DNAH9: variants seen among roughly 807,000 people sequenced by gnomAD.
DNAH9 encodes dynein axonemal heavy chain 9, also known as DNAH9 variant protein.
Under a neutral mutation model 471.6 loss-of-function variants are expected in DNAH9, and 345 were observed. The observed-to-expected ratio is 0.73, with a 90% CI of 0.67 to 0.80. The LOEUF is 0.80. Ranked by LOEUF, DNAH9 falls within the 30% of genes least tolerant of loss-of-function variation. DNAH9 has a pLI of 0.00. For missense variants in DNAH9, 5,407 were observed against 5,609.2 expected, an observed-to-expected ratio of 0.96 and a Z score of 1.15; for synonymous variants, 2,093 against 2,123.6, an observed-to-expected ratio of 0.99 and a Z score of 0.40.
rs1172657152 is a variant in DNAH9, at chr17:11,626,130, T to C, written c.1351-3287T>C. Among the ~76,000 whole-genome samples, 1 of 152,208 alleles carries C rather than the reference T, an allele frequency of 6.6e-6. No individual in the cohort carries two copies. Among genetic ancestry groups the C allele is most frequent in the Non-Finnish European group, 1.5e-5 (1 of 68,026 alleles). The stretch of plus-strand genomic sequence containing the variant: ...CCTAGATCCTAGGCTCTTTCCACAA[T>C]GCCATATGTTGTGTCTCTGAAGTGG... On this transcript the variant is annotated intron_variant, in intron 6 of 68. Coordinates refer to ENST00000262442, the MANE Select transcript of DNAH9 (RefSeq NM_001372.4). This position sits in a 1 kb window ranked among gnomAD's most constrained non-coding sequence, Gnocchi z 4.3.
At chr17:11,966,914 A>C (rs1976774362) in intron 68 of DNAH9, among the ~76,000 whole-genome samples, 1 of 151,172 alleles carries the variant, frequency 6.6e-6, no homozygotes, top group Admixed American at 6.6e-5. Context: ...ACACACCTGG[A>C]GTCCCAGCTA....
intron 14 of DNAH9, among the ~76,000 whole-genome samples, chr17:11,654,443 A>G (rs1300316862): frequency 6.6e-6 from 1 of 151,300 alleles, no homozygotes; most frequent in Admixed American, 6.6e-5. Context: ...TCACCTATCT[A>G]TGTGATGACA....
In DNAH9 at chr17:11,742,221, A is replaced by G; in HGVS notation, c.6019A>G (p.Met2007Val). ...VPDFELICEI[M>V]LVAEGFIEAQ... is the part of the protein sequence containing the mutation. ...AGACTTTGAATTGATCTGTGAAATC[A>G]TGCTGGTGGCAGAAGGATTCATTGA... is the stretch of plus-strand genomic sequence containing the variant. The change falls in exon 30 of 69, where the codon ATG becomes GTG. Residue 2007 changes from methionine to valine, a missense_variant. Around this residue, in one of 3 missense-constraint regions of DNAH9, gnomAD observed 4,636 missense variants for 4,900.3 expected, o/e 0.95. Transcript: ENST00000262442. 1.9e-6 allele frequency: 3 copies of G among 1,614,022 alleles called. No individual in the cohort carries two copies. The highest frequency in any genetic ancestry group is 2.5e-6 in the Non-Finnish European group (3 of 1,179,914).
chr17:11,926,383 C>T (rs2151031668), intron 62 of DNAH9, among the ~76,000 whole-genome samples: 1 of 152,246 alleles, frequency 6.6e-6, no homozygotes, highest in Non-Finnish European at 1.5e-5. Context: ...CATCCATTAG[C>T]TGTTCTTCCT....
intron 49 of DNAH9, among the ~76,000 whole-genome samples, chr17:11,851,944 T>C (rs545723581): frequency 3.3e-5 from 5 of 152,352 alleles, no homozygotes; most frequent in African/African-American, 9.6e-5. Flanking sequence ...GCTTAACTTA[T>C]GCTGTTTTAA....
chr17:11,663,340 A>G (rs2073809644), intron 14 of DNAH9, among the ~76,000 whole-genome samples: 1 of 152,170 alleles, frequency 6.6e-6, no homozygotes, highest in African/African-American at 2.4e-5. Context: ...CCAAACTCCA[A>G]ATTCTGTCTT....
chr17:11,878,670 C>T (rs1000344117), intron 53 of DNAH9, among the ~76,000 whole-genome samples: 2 of 152,102 alleles, frequency 1.3e-5, no homozygotes, highest in Non-Finnish European at 2.9e-5. Flanking sequence ...GTCCTTCCAC[C>T]TTAGCCTCCC....
At chr17:11,878,868 C>T (rs1162720484) in intron 53 of DNAH9, among the ~76,000 whole-genome samples, 1 of 152,090 alleles carries the variant, frequency 6.6e-6, no homozygotes, top group Non-Finnish European at 1.5e-5. Context: ...AGGCCTGGCC[C>T]ATTTTTAAGT....
chr17:11,747,286 G>A (rs1032398283), intron 31 of DNAH9, among the ~76,000 whole-genome samples: 1 of 152,116 alleles, frequency 6.6e-6, no homozygotes, highest in African/African-American at 2.4e-5. Context: ...AGATCACAGA[G>A]GGCAGGAGGA....
chr17:11,674,617 A>G (rs1258455692), intron 17 of DNAH9, among the ~76,000 whole-genome samples: 5 of 152,114 alleles, frequency 3.3e-5, no homozygotes, highest in Non-Finnish European at 7.4e-5. Flanking sequence ...TGTCTTGCAA[A>G]TGGAGTCTAC....
chr17:11,829,090 A>G (rs1970601355), intron 48 of DNAH9, among the ~76,000 whole-genome samples: 1 of 152,230 alleles, frequency 6.6e-6, no homozygotes, highest in South Asian at 2.1e-4. Flanking sequence ...CATGGTATTC[A>G]TTCCATAAAC....
rs111716205 is a variant in DNAH9 at position 11,799,876 on chromosome 17, C to T, written c.8420+2083C>T. ...CTGGGATTACAGGCCTGAGCCACTG[C>T]GCCCAGCCCCCACTATCTTCTTACT... is the stretch of plus-strand genomic sequence containing the variant. On this transcript the variant is annotated intron_variant, in intron 43 of 68. Transcript: ENST00000262442. Among the ~76,000 whole-genome samples the T allele has an allele frequency of 3.4e-3, 525 of 152,252 alleles. 2 individuals are homozygous for T. Among genetic ancestry groups the T allele is most frequent in the Non-Finnish European group, 4.6e-3 (313 of 68,010 alleles).
chr17:11,704,539 C>T (rs2074664160), intron 25 of DNAH9, 97 bp downstream of exon 25: 6 of 1,190,114 alleles, frequency 5.0e-6, no homozygotes, highest in African/African-American at 1.5e-5. Flanking sequence ...GTCTGTACAG[C>T]ACTGACCAGA....
At chr17:11,769,097 C>T (rs781104511) in intron 37 of DNAH9, 25 bp from the exon 38 acceptor site, 8 of 1,612,446 alleles carry the variant, frequency 5.0e-6, no homozygotes, top group Non-Finnish European at 5.9e-6. Context: ...CCACCCTTGG[C>T]AGGCTTATTG....
intron 33 of DNAH9, among the ~76,000 whole-genome samples, chr17:11,755,942 C>G (rs764832483): frequency 3.9e-5 from 6 of 152,092 alleles, no homozygotes; most frequent in Admixed American, 6.5e-5. Context: ...TACATGGCAG[C>G]AGACAGAGAG....
intron 8 of DNAH9, among the ~76,000 whole-genome samples, chr17:11,633,867 CTT>C: frequency 6.6e-6 from 1 of 152,314 alleles, no homozygotes; most frequent in South Asian, 2.1e-4. Flanking sequence ...ACTTTGAAGT[CTT>C]TGAAATCACG....
intron 38 of DNAH9, among the ~76,000 whole-genome samples, chr17:11,777,159 G>C (rs1055778490): frequency 3.9e-5 from 6 of 152,170 alleles, no homozygotes; most frequent in Non-Finnish European, 7.3e-5. Context: ...AGATGGCTCT[G>C]TACCAGTAAC....
At chr17:11,666,415 G>T (rs959215115) in intron 15 of DNAH9, among the ~76,000 whole-genome samples, 2 of 152,198 alleles carry the variant, frequency 1.3e-5, no homozygotes, top group Non-Finnish European at 2.9e-5. Flanking sequence ...AGTGGGACCA[G>T]GGGATGGAGA....
At chr17:11,775,618 T>G (rs937212296) in intron 38 of DNAH9, among the ~76,000 whole-genome samples, 21 of 143,658 alleles carry the variant, frequency 1.5e-4, no homozygotes, top group Non-Finnish European at 2.7e-4. Flanking sequence ...TTTTTTTTTT[T>G]TTTTGAGACA....
Sources: gnomAD v4.1 joint callset for allele counts (sites outside exome capture counted in the v4.1 genomes callset) on GRCh38, gnomAD v4.1.1 for gene constraint, gnomAD v4.1.1 regional missense constraint, Gnocchi (gnomAD v3.1) non-coding constraint, MANE v1.5 for transcripts, NCBI Gene and HGNC (gene_info 2026-07-23, HGNC 2026-07-21) for gene names.